Variants in ANKS1B observed in about 807,000 individuals in gnomAD.
The protein encoded by ANKS1B is ankyrin repeat and sterile alpha motif domain containing 1B, also known as ankyrin repeat and sterile alpha motif domain-containing protein 1B.
In ANKS1B, 36 loss-of-function variants were observed where a neutral mutation model predicts 148.3. The observed-to-expected ratio is 0.24, with a 90% CI of 0.19 to 0.32. The LOEUF (loss-of-function observed/expected upper bound fraction) is 0.32. Ranked by LOEUF, ANKS1B falls within the 10% of genes least tolerant of loss-of-function variation. ANKS1B has a pLI of 1.00. For synonymous variants in ANKS1B, 542 were observed against 560.8 expected (o/e 0.97, Z 0.47); for missense variants, 1,157 against 1,542.6 (o/e 0.75, Z 4.19).
rs769924484 is a variant in ANKS1B at position 99,038,454 on chromosome 12, C to T, written c.2778+14703G>A. Among the ~76,000 whole-genome samples the T allele has an allele frequency of 6.6e-5, 10 of 152,334 alleles. No individual in the cohort carries two copies. In the South Asian group the frequency reaches 1.2e-3, roughly 19 times the overall value. Reference sequence around the variant, plus strand: ...TAGTACAAGGCACCACCATCTCTTGCCCCGACTACTAGGTGAATGCCTCAG... The same window carrying T: ...TAGTACAAGGCACCACCATCTCTTGTCCCGACTACTAGGTGAATGCCTCAG... On this transcript the variant is annotated intron_variant, in intron 17 of 26. Coordinates refer to ENST00000683438, the MANE Select transcript of ANKS1B (RefSeq NM_001352186.2).
intron 12 of ANKS1B, among the ~76,000 whole-genome samples, chr12:99,325,452 T>C (rs946074781): frequency 3.3e-5 from 5 of 152,136 alleles, no homozygotes; most frequent in Non-Finnish European, 5.9e-5. Context: ...AGATGGCACC[T>C]GCAGTGGCAG....
chr12:99,354,465 CCTCA>C lies in ANKS1B; in HGVS notation c.1756+45162_1756+45165del, dbSNP rs138798809. ...GTACGTGATGTTGTACTTACCTGAACCTCACTATTTCCTCATGTTGAGTGTTAAG... is the reference window on the plus strand; with the variant it reads ...GTACGTGATGTTGTACTTACCTGAACCTATTTCCTCATGTTGAGTGTTAAG... On this transcript the variant is annotated intron_variant, in intron 12 of 26. Transcript: ENST00000683438. Among the ~76,000 whole-genome samples, 1,267 of 152,084 alleles carry C rather than the reference CCTCA, an allele frequency of 8.3e-3. 16 individuals carry two copies. The highest frequency in any genetic ancestry group is 0.029 in the African/African-American group (1,220 of 41,516).
intron 21 of ANKS1B, among the ~76,000 whole-genome samples, chr12:98,800,647 G>C (rs1210245946): frequency 4.1e-5 from 5 of 122,352 alleles, no homozygotes; most frequent in Non-Finnish European, 7.0e-5. Context: ...CCAGTGTTTT[G>C]AGACCCAGTG....
chr12:99,748,831 C>T (rs901724373), intron 8 of ANKS1B, among the ~76,000 whole-genome samples: 7 of 152,050 alleles, frequency 4.6e-5, no homozygotes, highest in Non-Finnish European at 1.0e-4. Flanking sequence ...ATATGGAATA[C>T]CAGCATAGCC....
chr12:99,494,875 T>C (rs1015840716), intron 10 of ANKS1B, among the ~76,000 whole-genome samples: 2 of 151,932 alleles, frequency 1.3e-5, no homozygotes, highest in Non-Finnish European at 2.9e-5. Context: ...AAACCCCCTG[T>C]ATCTTAACAG....
intron 17 of ANKS1B, among the ~76,000 whole-genome samples, chr12:98,940,982 G>T (rs1328840202): frequency 1.3e-5 from 2 of 152,036 alleles, no homozygotes; most frequent in Non-Finnish European, 1.5e-5. Context: ...AAAATACAGA[G>T]AATTCTTACT....
intron 16 of ANKS1B, among the ~76,000 whole-genome samples, chr12:99,060,688 CACACACACACACAT>C (rs1192728791): frequency 3.0e-5 from 3 of 101,148 alleles, no homozygotes; most frequent in African/African-American, 9.2e-5. Flanking sequence ...CACACACACA[CACACACACACACAT>C]ATATATAGAG....
At chr12:99,367,282 A>G (rs1198893792) in intron 12 of ANKS1B, among the ~76,000 whole-genome samples, 1 of 152,178 alleles carries the variant, frequency 6.6e-6, no homozygotes, top group African/African-American at 2.4e-5. Context: ...TAAAAAGAAG[A>G]GAAATGGCCC....
intron 17 of ANKS1B, among the ~76,000 whole-genome samples, chr12:98,979,755 T>A (rs2099906383): frequency 6.6e-6 from 1 of 152,116 alleles, no homozygotes; most frequent in Admixed American, 6.5e-5. Flanking sequence ...GTGCGTGCGC[T>A]TATCTTGCTT....
chr12:99,304,991 C>T (rs2082155976), intron 12 of ANKS1B, among the ~76,000 whole-genome samples: 1 of 151,984 alleles, frequency 6.6e-6, no homozygotes, highest in South Asian at 2.1e-4. Flanking sequence ...GCAGACTATA[C>T]AGGAATCATG....
exon 10 of ANKS1B, chr12:98,735,469 C>A: frequency 2.0e-6 from 1 of 499,900 alleles, no homozygotes; most frequent in Non-Finnish European, 3.7e-6. Flanking sequence ...TGTCATTTAT[C>A]TGTTGATTAG....
intron 10 of ANKS1B, among the ~76,000 whole-genome samples, chr12:99,477,059 A>G (rs564133087): frequency 1.3e-5 from 2 of 152,290 alleles, no homozygotes; most frequent in Admixed American, 6.5e-5. Context: ...AGTGAACCAG[A>G]CAGCAGGAGA....
intron 4 of ANKS1B, among the ~76,000 whole-genome samples, chr12:99,791,226 T>TA (rs1300711036): frequency 6.6e-6 from 1 of 151,922 alleles, no homozygotes; most frequent in Non-Finnish European, 1.5e-5. Flanking sequence ...AAGAGGATAT[T>TA]ACAATTGTAA....
intron 17 of ANKS1B, among the ~76,000 whole-genome samples, chr12:98,874,794 T>C (rs2099683601): frequency 6.6e-6 from 1 of 152,084 alleles, no homozygotes; most frequent in South Asian, 2.1e-4. Context: ...GAGAAATTAA[T>C]AACACTGAAA....
At chr12:98,794,392 C>CAAAAAAAAAAAAA (rs571692746) in intron 22 of ANKS1B, 1 of 81,758 alleles carries the variant, frequency 1.2e-5, no homozygotes, top group African/African-American at 7.0e-5. Flanking sequence ...AACTCTGTCT[C>CAAAAAAAAAAAAA]AAAAAAAAAA....
At chr12:99,220,444 CATTTCT>C (rs1254448271) in intron 14 of ANKS1B, among the ~76,000 whole-genome samples, 2 of 143,474 alleles carry the variant, frequency 1.4e-5, no homozygotes, top group African/African-American at 2.6e-5. Context: ...ATAAAAGTAG[CATTTCT>C]TTTTTTTTTT....
intron 8 of ANKS1B, among the ~76,000 whole-genome samples, chr12:99,696,751 A>T (rs935280683): frequency 6.6e-6 from 1 of 152,208 alleles, no homozygotes; most frequent in Admixed American, 6.5e-5. Flanking sequence ...AAATTGAAAA[A>T]TTCTGCTCTG....
chr12:99,720,531 G>A (rs2057967992), intron 8 of ANKS1B, among the ~76,000 whole-genome samples: 1 of 152,172 alleles, frequency 6.6e-6, no homozygotes, highest in Non-Finnish European at 1.5e-5. Context: ...TCAGTCTTCA[G>A]GAAAGGTAGA....
At chr12:99,890,705 C>T (rs148086674) in intron 1 of ANKS1B, among the ~76,000 whole-genome samples, 72 of 151,044 alleles carry the variant, frequency 4.8e-4, no homozygotes, top group Non-Finnish European at 8.1e-4. Flanking sequence ...AGAAACCATG[C>T]TAAATTATTC....
Sources: allele counts gnomAD v4.1 joint callset (sites outside exome capture counted in the v4.1 genomes callset), GRCh38; gene constraint gnomAD v4.1.1; transcripts MANE v1.5; gene names NCBI Gene and HGNC (gene_info 2026-07-23, HGNC 2026-07-21).